KCNQ5: variants seen among roughly 807,000 people sequenced by gnomAD.
KCNQ5 encodes the protein potassium voltage-gated channel subfamily Q member 5.
A neutral mutation model predicts 98.2 loss-of-function variants in KCNQ5; 30 were observed. The ratio of observed to expected loss-of-function variants is 0.31; its 90% CI spans 0.23 to 0.41. The LOEUF is 0.41. KCNQ5 is among the 10% of genes least tolerant of loss of function. The pLI, the probability that KCNQ5 is intolerant of heterozygous loss-of-function variation, is 1.00. For missense variants in KCNQ5, 835 were observed against 1,182.5 expected (o/e 0.71, Z 4.31); for synonymous variants, 458 against 449.4 (o/e 1.02, Z -0.24).
At chr6:72,751,067 A>G (rs1175528528) in intron 1 of KCNQ5, among the ~76,000 whole-genome samples, 1 of 152,088 alleles carries the variant, frequency 6.6e-6, no homozygotes, top group Non-Finnish European at 1.5e-5. Flanking sequence ...TGATTTGGCT[A>G]AAGAGAAAAA....
intron 1 of KCNQ5, among the ~76,000 whole-genome samples, chr6:72,723,699 T>C (rs1770101755): frequency 6.6e-6 from 1 of 152,132 alleles, no homozygotes; most frequent in African/African-American, 2.4e-5. Context: ...AATAGTTTGG[T>C]ACCTTAAGTA....
chr6:73,055,288 C>T (rs1261474144), intron 3 of KCNQ5: 2 of 1,395,290 alleles, frequency 1.4e-6, no homozygotes, highest in Admixed American at 1.7e-5. Context: ...TCCCGACCTT[C>T]TGGACAGTGC....
intron 1 of KCNQ5, among the ~76,000 whole-genome samples, chr6:72,860,814 G>A (rs1229758702): frequency 6.6e-6 from 1 of 150,764 alleles, no homozygotes; most frequent in Non-Finnish European, 1.5e-5. Context: ...TGTATTCCTG[G>A]CTCATCACTG....
chr6:73,120,587 AGT>A lies in KCNQ5; in HGVS notation c.1220+14_1220+15del. On this transcript the variant is annotated intron_variant, in intron 8 of 13. Coordinates refer to ENST00000370398, the MANE Select transcript of KCNQ5 (RefSeq NM_019842.4). The stretch of plus-strand genomic sequence containing the variant: ...CCTGCAGCCCTACCAAGTAGGTATC[AGT>A]GTGACAGCTGCCACTGTAGTTGAGT... 2 of 1,580,242 alleles carry A rather than the reference AGT, an allele frequency of 1.3e-6. No individual in the cohort carries two copies. Among genetic ancestry groups the A allele is most frequent in the East Asian group, 2.2e-5 (1 of 44,584 alleles).
chr6:72,871,965 G>C (rs1581934162), intron 1 of KCNQ5, among the ~76,000 whole-genome samples: 1 of 152,152 alleles, frequency 6.6e-6, no homozygotes, highest in South Asian at 2.1e-4. Context: ...AGGATAGGAG[G>C]CTTCCCTAAA....
intron 1 of KCNQ5, among the ~76,000 whole-genome samples, chr6:72,736,928 A>C (rs910236886): frequency 6.6e-6 from 1 of 152,078 alleles, no homozygotes; most frequent in Non-Finnish European, 1.5e-5. Context: ...GAGCTTTTAA[A>C]GAATGTCAAC....
chr6:72,675,599 A>G (rs569751747), intron 1 of KCNQ5, among the ~76,000 whole-genome samples: 2 of 152,324 alleles, frequency 1.3e-5, no homozygotes, highest in South Asian at 4.1e-4. Flanking sequence ...GAGTGACTGG[A>G]CAATAGCGAT....
chr6:73,020,646 C>T (rs953497004), intron 2 of KCNQ5, among the ~76,000 whole-genome samples: 1 of 152,124 alleles, frequency 6.6e-6, no homozygotes, highest in East Asian at 1.9e-4. Flanking sequence ...AGTCCCAACC[C>T]TCTAACCCTG....
chr6:72,649,745 CTCAG>C (rs909166781), intron 1 of KCNQ5, among the ~76,000 whole-genome samples: 1 of 152,100 alleles, frequency 6.6e-6, no homozygotes, highest in African/African-American at 2.4e-5. Flanking sequence ...GAAAAGGAAA[CTCAG>C]TCAGATGACA....
intron 1 of KCNQ5, among the ~76,000 whole-genome samples, chr6:72,959,051 A>C (rs1767215955): frequency 1.3e-5 from 2 of 152,238 alleles, no homozygotes; most frequent in Admixed American, 1.3e-4. Flanking sequence ...GCAGCCAGCC[A>C]GTACTCTTTG....
chr6:72,824,369 G>A (rs751291299), intron 1 of KCNQ5, among the ~76,000 whole-genome samples: 8 of 151,926 alleles, frequency 5.3e-5, no homozygotes, highest in South Asian at 2.1e-4. Flanking sequence ...TTAGAAAATC[G>A]TTGGTTTTAT....
At chr6:72,917,971 T>C (rs1010707062) in intron 1 of KCNQ5, among the ~76,000 whole-genome samples, 1 of 152,178 alleles carries the variant, frequency 6.6e-6, no homozygotes. Flanking sequence ...TTTAGCAGCA[T>C]CCTTACTGTC....
intron 1 of KCNQ5, among the ~76,000 whole-genome samples, chr6:72,658,455 AT>A (rs1766309654): frequency 7.1e-6 from 1 of 140,504 alleles, no homozygotes; most frequent in Admixed American, 7.3e-5. Flanking sequence ...TAATTTTTAT[AT>A]TTTTTGTAGA....
At chr6:73,090,207 T>C (rs921452444) in intron 5 of KCNQ5, among the ~76,000 whole-genome samples, 3 of 152,224 alleles carry the variant, frequency 2.0e-5, no homozygotes, top group Admixed American at 2.0e-4. Context: ...TCATATATCA[T>C]CTTTTGAGAA....
chr6:73,165,015 G>T (rs934943264), intron 10 of KCNQ5, among the ~76,000 whole-genome samples: 2 of 151,720 alleles, frequency 1.3e-5, no homozygotes, highest in African/African-American at 4.8e-5. Flanking sequence ...GTCTCACTCT[G>T]TTGCCCAGGC....
chr6:72,714,857 A>G (rs1769562963), intron 1 of KCNQ5, among the ~76,000 whole-genome samples: 1 of 152,160 alleles, frequency 6.6e-6, no homozygotes, highest in Non-Finnish European at 1.5e-5. Context: ...AATAAATCTG[A>G]TGGATTTTTC....
At chr6:72,664,088 A>G (rs1766665097) in intron 1 of KCNQ5, among the ~76,000 whole-genome samples, 1 of 152,214 alleles carries the variant, frequency 6.6e-6, no homozygotes, top group African/African-American at 2.4e-5. Context: ...TGACTTCAAA[A>G]GGACTTTAAA....
At chr6:72,735,989 ATATT>A (rs1422794674) in intron 1 of KCNQ5, among the ~76,000 whole-genome samples, 2 of 152,012 alleles carry the variant, frequency 1.3e-5, no homozygotes, top group African/African-American at 4.8e-5. Flanking sequence ...TCAAAACTGG[ATATT>A]TATTTTATTT....
intron 1 of KCNQ5, among the ~76,000 whole-genome samples, chr6:72,652,720 A>G (rs530800216): frequency 7.0e-4 from 106 of 152,040 alleles, no homozygotes; most frequent in Non-Finnish European, 1.1e-3. Flanking sequence ...AAAGAGCTGT[A>G]TTCCTGTATC....
Sources: allele counts gnomAD v4.1 joint callset (sites outside exome capture counted in the v4.1 genomes callset), GRCh38; gene constraint gnomAD v4.1.1; transcripts MANE v1.5; gene names NCBI Gene and HGNC (gene_info 2026-07-23, HGNC 2026-07-21).